Variants in FBXL4 observed in about 807,000 individuals in gnomAD.
The protein encoded by FBXL4 is F-box/LRR-repeat protein 4.
A neutral mutation model predicts 58.9 loss-of-function variants in FBXL4; 40 were observed. That is an observed-to-expected ratio of 0.68 (90% CI 0.53 to 0.88). The LOEUF (loss-of-function observed/expected upper bound fraction) is 0.88. Among genes scored for constraint, FBXL4 ranks in the 40% least tolerant of loss-of-function variants. The pLI is 0.00. For missense variants in FBXL4, 676 were observed against 734.4 expected (o/e 0.92, Z 0.92); for synonymous variants, 263 against 265.5 (o/e 0.99, Z 0.09).
chr6:98,879,399 G>C (rs1389893933), intron 8 of FBXL4, among the ~76,000 whole-genome samples: 1 of 152,138 alleles, frequency 6.6e-6, no homozygotes, highest in Non-Finnish European at 1.5e-5. Context: ...CTTCCAGTCA[G>C]TTACACTGGA....
intron 7 of FBXL4, among the ~76,000 whole-genome samples, chr6:98,894,794 T>G (rs1771356678): frequency 6.6e-6 from 1 of 152,220 alleles, no homozygotes; most frequent in South Asian, 2.1e-4. Context: ...ACATTTGTTA[T>G]TTCTCTGATG....
At chr6:98,905,767 C>T (rs777188856) in intron 5 of FBXL4, 97 bp from the exon 6 acceptor site, 44 of 1,164,426 alleles carry the variant, frequency 3.8e-5, no homozygotes, top group Non-Finnish European at 4.8e-5. Context: ...AAGTGTCATA[C>T]ATTTTATAAC....
At chr6:98,913,634 C>T (rs1772197307) in intron 5 of FBXL4, among the ~76,000 whole-genome samples, 1 of 152,152 alleles carries the variant, frequency 6.6e-6, no homozygotes. Flanking sequence ...AAAGACACAA[C>T]ATACCAGAAT....
chr6:98,941,893 A>C (rs1773445566), intron 1 of FBXL4, among the ~76,000 whole-genome samples: 1 of 152,162 alleles, frequency 6.6e-6, no homozygotes, highest in African/African-American at 2.4e-5. Context: ...GTGTTAATTA[A>C]TAGGTTATAG....
chr6:98,934,982 C>T (rs1013312774), intron 1 of FBXL4, 103 bp from the exon 2 acceptor site: 1 of 152,140 alleles, frequency 6.6e-6, no homozygotes, highest in African/African-American at 2.4e-5. Context: ...TCCAAAAAGT[C>T]TGGAATACAT....
In FBXL4 at chr6:98,924,388, C is replaced by T. The variant is rs187840099; in HGVS notation, c.512+2089G>A. On this transcript the variant is annotated intron_variant, in intron 4 of 9. Transcript: ENST00000369244. ...CCTGCCCAACCTGGTGAAACCCCAT[C>T]TCTATTAAAAATACAAAAATTAGCC... is the stretch of plus-strand genomic sequence containing the variant. Among the ~76,000 whole-genome samples, 34 of 152,234 alleles carry T rather than the reference C, an allele frequency of 2.2e-4. 1 individual carries two copies. Among genetic ancestry groups the T allele is most frequent in the African/African-American group, 7.2e-4 (30 of 41,542 alleles).
At chr6:98,913,370 T>C (rs1251075384) in intron 5 of FBXL4, among the ~76,000 whole-genome samples, 1 of 152,056 alleles carries the variant, frequency 6.6e-6, no homozygotes, top group Non-Finnish European at 1.5e-5. Flanking sequence ...CAAAAGAATA[T>C]ACATTTTTTT....
intron 6 of FBXL4, among the ~76,000 whole-genome samples, chr6:98,901,573 TTCTC>T (rs1163371442): frequency 1.3e-5 from 2 of 152,146 alleles, no homozygotes; most frequent in Non-Finnish European, 2.9e-5. Context: ...CTGACTTTCT[TTCTC>T]TCTCTCAAGA....
At chr6:98,896,975 A>G (rs1367328665) in intron 7 of FBXL4, 1 of 985,134 alleles carries the variant, frequency 1.0e-6, no homozygotes, top group African/African-American at 1.7e-5. Flanking sequence ...CTTAGATCAC[A>G]TTACTATACA....
At chr6:98,875,210 G>A in intron 9 of FBXL4, 1 of 586,320 alleles carries the variant, frequency 1.7e-6, no homozygotes, top group Non-Finnish European at 3.0e-6. Flanking sequence ...AATTGTTATT[G>A]TCCTCACTAT....
At chr6:98,942,320 A>C (rs1746791856) in intron 1 of FBXL4, among the ~76,000 whole-genome samples, 1 of 152,082 alleles carries the variant, frequency 6.6e-6, no homozygotes, top group Non-Finnish European at 1.5e-5. Context: ...AAAAATGGTT[A>C]GAAAAAAACA....
chr6:98,897,357 T>C, intron 7 of FBXL4: 1 of 984,640 alleles, frequency 1.0e-6, no homozygotes, highest in African/African-American at 1.7e-5. Context: ...AAACACAGGC[T>C]AATATCATCT....
At chr6:98,933,906 G>A (rs1029309724) in intron 2 of FBXL4, among the ~76,000 whole-genome samples, 2 of 152,162 alleles carry the variant, frequency 1.3e-5, no homozygotes, top group South Asian at 4.1e-4. Flanking sequence ...TCTTGATACA[G>A]AGATAAAGAG....
At chr6:98,909,076 C>T (rs1301056065) in intron 5 of FBXL4, among the ~76,000 whole-genome samples, 1 of 151,968 alleles carries the variant, frequency 6.6e-6, no homozygotes, top group African/African-American at 2.4e-5. Context: ...TAAGGAAAAC[C>T]GATATTTTTA....
At chr6:98,875,290 C>T (rs764089082) in intron 9 of FBXL4, 125 bp downstream of exon 9, 2 of 801,638 alleles carry the variant, frequency 2.5e-6, no homozygotes, top group Non-Finnish European at 4.2e-6. Context: ...TCAAACCAAG[C>T]CATCTTATCA....
chr6:98,927,106 A>T, intron 3 of FBXL4, 46 bp from the exon 4 acceptor site: 1 of 955,820 alleles, frequency 1.0e-6, no homozygotes, highest in Non-Finnish European at 1.6e-6. Flanking sequence ...TTAAATAAGC[A>T]GAAAAATGCA....
At chr6:98,895,691 A>G (rs973464469) in intron 7 of FBXL4, among the ~76,000 whole-genome samples, 1 of 152,200 alleles carries the variant, frequency 6.6e-6, no homozygotes, top group Non-Finnish European at 1.5e-5. Flanking sequence ...AGAAATAATA[A>G]TGCAAAATAT....
intron 2 of FBXL4, among the ~76,000 whole-genome samples, chr6:98,929,061 C>T (rs1269920232): frequency 6.6e-6 from 1 of 152,122 alleles, no homozygotes; most frequent in Non-Finnish European, 1.5e-5. Context: ...GTACACAGTA[C>T]ATAATAGGCA....
rs1770460278 is a variant in FBXL4, at chr6:98,870,384, T to C, written c.*3894A>G. On this transcript the variant is annotated 3_prime_UTR_variant, in exon 10 of 10. Transcript: ENST00000369244. ...GTAGTATTTTGTAACACATCAAAAT[T>C]ATGTAAAATTCAACTTTCAGTGCTC... The C allele has an allele frequency of 6.6e-6, 1 of 152,234 alleles. No individual in the cohort carries two copies. Among genetic ancestry groups the C allele is most frequent in the African/African-American group, 2.4e-5 (1 of 41,458 alleles). 9.4% of individuals were successfully genotyped at this position (152,234 alleles called of 1,614,324 possible).
Sources: gnomAD v4.1 joint callset for allele counts (sites outside exome capture counted in the v4.1 genomes callset) on GRCh38, gnomAD v4.1.1 for gene constraint, MANE v1.5 for transcripts, NCBI Gene and HGNC (gene_info 2026-07-23, HGNC 2026-07-21) for gene names.